Variants in ATE1 observed in about 807,000 individuals in gnomAD.
ATE1 encodes the protein arginyl-tRNA--protein transferase 1.
A neutral mutation model predicts 70.5 loss-of-function variants in ATE1; 36 were observed. The ratio of observed to expected loss-of-function variants is 0.51; its 90% confidence interval spans 0.39 to 0.67. The LOEUF (loss-of-function observed/expected upper bound fraction) is 0.67. Ranked by LOEUF, ATE1 falls within the 30% of genes least tolerant of loss-of-function variation. ATE1 has a pLI of 0.00. For synonymous variants in ATE1, 232 were observed against 219.3 expected, an observed-to-expected ratio of 1.06 and a Z score of -0.51; for missense variants, 593 against 629.5, an observed-to-expected ratio of 0.94 and a Z score of 0.62.
At chr10:121,761,445 A>C (rs960019098) in intron 11 of ATE1, among the ~76,000 whole-genome samples, 3 of 135,512 alleles carry the variant, frequency 2.2e-5, no homozygotes, top group Non-Finnish European at 4.8e-5. Context: ...AAGCACTTTT[A>C]AATTAAGCTA....
chr10:121,768,512 T>C lies in ATE1; in HGVS notation c.1378+21657A>G, dbSNP rs117955341. On this transcript the variant is annotated intron_variant, in intron 11 of 11. Coordinates refer to ENST00000224652, the MANE Select transcript of ATE1 (RefSeq NM_001001976.3). ...ATCACTCAGGGCACATAGCACCCGC[T>C]CCAATAATTGAATTTTCCACAAGCC... Among the ~76,000 whole-genome samples the C allele has an allele frequency of 2.0e-3, 301 of 152,120 alleles. 10 individuals carry two copies. The East Asian group carries it at 0.053, about 27-fold the overall frequency.
intron 7 of ATE1, among the ~76,000 whole-genome samples, chr10:121,883,497 G>C (rs1196292080): frequency 6.6e-6 from 1 of 152,162 alleles, no homozygotes; most frequent in Non-Finnish European, 1.5e-5. Flanking sequence ...TAACTTTAGA[G>C]ATAAAAGCAG....
chr10:121,853,106 C>A (rs1949115732), intron 8 of ATE1, among the ~76,000 whole-genome samples: 1 of 151,994 alleles, frequency 6.6e-6, no homozygotes, highest in African/African-American at 2.4e-5. Flanking sequence ...AGGCTGGGTG[C>A]GGTGGCCCAG....
intron 4 of ATE1, among the ~76,000 whole-genome samples, chr10:121,912,489 A>G (rs761931412): frequency 6.6e-6 from 1 of 151,288 alleles, no homozygotes; most frequent in Non-Finnish European, 1.5e-5. Context: ...GTTTCTACTA[A>G]AAATACAAAA....
chr10:121,892,199 T>A (rs931992226), intron 7 of ATE1, among the ~76,000 whole-genome samples: 3 of 152,228 alleles, frequency 2.0e-5, no homozygotes, highest in South Asian at 4.2e-4. Flanking sequence ...AGGCCAAGGG[T>A]TTGCCAAGTG....
At chr10:121,781,370 G>A (rs751269533) in intron 11 of ATE1, among the ~76,000 whole-genome samples, 3 of 152,134 alleles carry the variant, frequency 2.0e-5, no homozygotes, top group African/African-American at 4.8e-5. Flanking sequence ...TATTTGTCAC[G>A]TACACACTCA....
chr10:121,896,487 A>T (rs990592845), intron 7 of ATE1, among the ~76,000 whole-genome samples: 1 of 152,116 alleles, frequency 6.6e-6, no homozygotes, highest in Non-Finnish European at 1.5e-5. Flanking sequence ...TTTTTTAAAA[A>T]TCTGGCTCCT....
intron 1 of ATE1, chr10:121,927,561 C>T (rs1952147298): frequency 2.0e-6 from 2 of 983,274 alleles, no homozygotes; most frequent in Non-Finnish European, 2.4e-6. Flanking sequence ...GCGCGCCGTC[C>T]TTCACCTCAC....
At chr10:121,847,662 G>GCAAAAGAATC (rs1300303517) in intron 8 of ATE1, among the ~76,000 whole-genome samples, 2 of 149,666 alleles carry the variant, frequency 1.3e-5, no homozygotes, top group African/African-American at 2.5e-5. Flanking sequence ...GGAGGCTGAG[G>GCAAAAGAATC]GAGGACAGTT....
In ATE1 at chr10:121,743,673, G is replaced by A. The variant is rs746096831; in HGVS notation, c.*7C>T. On this transcript the variant is annotated 3_prime_UTR_variant, in exon 12 of 12. Coordinates refer to ENST00000224652, the MANE Select transcript of ATE1 (RefSeq NM_001001976.3). The stretch of plus-strand genomic sequence containing the variant: ...AACACAGGAACTTCCCGGCAGAGGT[G>A]AACAGGTCAGTTTCTGAACAGCAGC... 1.9e-6 allele frequency: 3 copies of A among 1,601,912 alleles called. No homozygotes were observed.
At chr10:121,893,702 C>T (rs1351043359) in intron 7 of ATE1, among the ~76,000 whole-genome samples, 2 of 151,972 alleles carry the variant, frequency 1.3e-5, no homozygotes, top group African/African-American at 2.4e-5. Context: ...AAATTAAGAT[C>T]TCTATCTTAA....
chr10:121,763,292 T>C (rs1004904615), intron 11 of ATE1, among the ~76,000 whole-genome samples: 11 of 152,100 alleles, frequency 7.2e-5, no homozygotes, highest in African/African-American at 2.2e-4. Context: ...CTTATGTCTA[T>C]ACAAAAATAC....
intron 7 of ATE1, among the ~76,000 whole-genome samples, chr10:121,889,317 T>C (rs951939164): frequency 2.0e-5 from 3 of 152,050 alleles, no homozygotes; most frequent in Admixed American, 6.6e-5. Context: ...GATTACTAGA[T>C]AACAACAAAA....
chr10:121,920,521 C>CA (rs201546841), intron 3 of ATE1, among the ~76,000 whole-genome samples: 19,547 of 132,590 alleles, frequency 0.15, 1,473 homozygotes, highest in East Asian at 0.2. Context: ...GACCCTGTCT[C>CA]AAAAAAAAAA....
At chr10:121,859,716 T>C (rs1949399999) in intron 8 of ATE1, among the ~76,000 whole-genome samples, 1 of 151,744 alleles carries the variant, frequency 6.6e-6, no homozygotes, top group Non-Finnish European at 1.5e-5. Flanking sequence ...CCAAGGTGGG[T>C]GGATCACTTG....
chr10:121,895,966 TAC>T (rs1400063231), intron 7 of ATE1, among the ~76,000 whole-genome samples: 1 of 152,094 alleles, frequency 6.6e-6, no homozygotes, highest in African/African-American at 2.4e-5. Context: ...TTAAATAATA[TAC>T]ATTTTGCTGG....
At chr10:121,805,822 G>A (rs1947073996) in intron 10 of ATE1, among the ~76,000 whole-genome samples, 1 of 152,172 alleles carries the variant, frequency 6.6e-6, no homozygotes, top group African/African-American at 2.4e-5. Context: ...CAGTCTCCAA[G>A]TCTAGCCCCG....
intron 8 of ATE1, among the ~76,000 whole-genome samples, chr10:121,843,390 T>TC (rs1948701632): frequency 6.6e-6 from 1 of 152,230 alleles, no homozygotes; most frequent in Non-Finnish European, 1.5e-5. Flanking sequence ...TTTAATGTAA[T>TC]CACAATCAAA....
intron 7 of ATE1, among the ~76,000 whole-genome samples, chr10:121,888,927 A>G (rs1950494329): frequency 6.6e-6 from 1 of 152,230 alleles, no homozygotes; most frequent in South Asian, 2.1e-4. Flanking sequence ...GGCACAACTA[A>G]TCTGTAGTTT....
Sources: gnomAD v4.1 joint callset for allele counts (sites outside exome capture counted in the v4.1 genomes callset) on GRCh38, gnomAD v4.1.1 for gene constraint, MANE v1.5 for transcripts, NCBI Gene and HGNC (gene_info 2026-07-23, HGNC 2026-07-21) for gene names.